PDZK1: variants seen among roughly 807,000 people sequenced by gnomAD.
PDZK1 encodes the protein PDZ domain containing 1, also known as Na(+)/H(+) exchange regulatory cofactor NHE-RF3.
A neutral mutation model predicts 38.1 loss-of-function variants in PDZK1; 23 were observed. The observed-to-expected ratio is 0.60, with a 90% confidence interval of 0.43 to 0.85. The LOEUF (loss-of-function observed/expected upper bound fraction) is 0.85. Ranked by LOEUF, PDZK1 falls within the 40% of genes least tolerant of loss-of-function variation. The pLI is 0.00. For synonymous variants in PDZK1, 98 were observed against 186.2 expected, an observed-to-expected ratio of 0.53 and a Z score of 3.86; for missense variants, 297 against 504.3, an observed-to-expected ratio of 0.59 and a Z score of 3.94.
chr1:145,702,984 A>G (rs587755972), intron 1 of PDZK1, among the ~76,000 whole-genome samples: 75 of 152,170 alleles, frequency 4.9e-4, no homozygotes, highest in African/African-American at 1.6e-3. Context: ...GCAAGCCCCA[A>G]TTGGTCTATG....
intron 1 of PDZK1, among the ~76,000 whole-genome samples, chr1:145,700,157 T>C (rs781861892): frequency 7.9e-5 from 12 of 152,240 alleles, no homozygotes; most frequent in Non-Finnish European, 1.3e-4. Context: ...ATTCTCTATC[T>C]ACTCAGTCCA....
intron 1 of PDZK1, among the ~76,000 whole-genome samples, 174 bp from the exon 2 acceptor site, chr1:145,688,197 A>C (rs1553702385): frequency 6.6e-6 from 1 of 151,790 alleles, no homozygotes; most frequent in African/African-American, 2.4e-5. Flanking sequence ...ATGATTTCCA[A>C]ATCTGTTTCC....
rs1320260097 is a variant in PDZK1 at position 145,681,125 on chromosome 1, G to C, written c.598-18C>G. Reference sequence around the variant, plus strand: ...TTCTTCACCTGTAACAACACACACAGATGAGGAATGACATCAACCCCCAAG... The same window carrying C: ...TTCTTCACCTGTAACAACACACACACATGAGGAATGACATCAACCCCCAAG... On this transcript the variant is annotated intron_variant, in intron 4 of 8. Coordinates refer to ENST00000417171, the MANE Select transcript of PDZK1 (RefSeq NM_001201325.2). 12 of 501,800 alleles carry C rather than the reference G, an allele frequency of 2.4e-5. No homozygotes were observed. The highest frequency in any genetic ancestry group is 3.8e-5 in the Non-Finnish European group (11 of 286,572). 31.1% of individuals were successfully genotyped at this position (501,800 alleles called of 1,614,324 possible).
At chr1:145,683,632 A>G (rs1553700869) in intron 3 of PDZK1, among the ~76,000 whole-genome samples, 1 of 152,164 alleles carries the variant, frequency 6.6e-6, no homozygotes, top group African/African-American at 2.4e-5. Context: ...ATACATTCCA[A>G]GACCCCCAGT....
At chr1:145,677,499 G>T (rs1486759517) in intron 6 of PDZK1, among the ~76,000 whole-genome samples, 2 of 149,318 alleles carry the variant, frequency 1.3e-5, no homozygotes, top group African/African-American at 5.0e-5. Context: ...TATTTTCTAG[G>T]TATGATTGTT....
At chr1:145,687,187 C>G (rs1417047605) in intron 2 of PDZK1, among the ~76,000 whole-genome samples, 2 of 151,846 alleles carry the variant, frequency 1.3e-5, no homozygotes, top group Admixed American at 6.6e-5. Flanking sequence ...GTAACATATA[C>G]CTTATGAGGT....
chr1:145,695,603 A>T (rs1339169563), intron 1 of PDZK1, among the ~76,000 whole-genome samples: 1 of 152,100 alleles, frequency 6.6e-6, no homozygotes, highest in Non-Finnish European at 1.5e-5. Context: ...AGCCCAAGGG[A>T]TCTGGCCTTA....
At chr1:145,705,356 G>T (rs770416111) in intron 1 of PDZK1, among the ~76,000 whole-genome samples, 70 of 152,302 alleles carry the variant, frequency 4.6e-4, no homozygotes, top group South Asian at 1.0e-3. Context: ...CTCCCAAAGT[G>T]CTGGGATTAC....
intron 6 of PDZK1, among the ~76,000 whole-genome samples, chr1:145,676,383 G>A (rs1410442820): frequency 2.6e-5 from 4 of 151,806 alleles, no homozygotes; most frequent in Non-Finnish European, 4.4e-5. Context: ...TGGTTCTTAA[G>A]CCAAAAGCTA....
chr1:145,700,049 G>T (rs980526652), intron 1 of PDZK1, among the ~76,000 whole-genome samples: 1 of 152,174 alleles, frequency 6.6e-6, no homozygotes, highest in Non-Finnish European at 1.5e-5. Flanking sequence ...CCCATTTTCT[G>T]TGAGAATATT....
chr1:145,686,880 C>A (rs1553701888), intron 2 of PDZK1, among the ~76,000 whole-genome samples, 154 bp from the exon 3 acceptor site: 1 of 152,096 alleles, frequency 6.6e-6, no homozygotes, highest in Non-Finnish European at 1.5e-5. Flanking sequence ...CCACCTCCAT[C>A]CCTGCCCTCC....
At chr1:145,680,476 C>T (rs587759527) in intron 5 of PDZK1, among the ~76,000 whole-genome samples, 37 of 152,060 alleles carry the variant, frequency 2.4e-4, no homozygotes, top group African/African-American at 8.2e-4. Context: ...ACCTCGGCCT[C>T]AGGTCCAGCG....
At chr1:145,689,984 G>A (rs1016128120) in intron 1 of PDZK1, among the ~76,000 whole-genome samples, 1 of 152,196 alleles carries the variant, frequency 6.6e-6, no homozygotes, top group Admixed American at 6.5e-5. Flanking sequence ...ACTAAGTAGC[G>A]AAGAAAGAAG....
chr1:145,697,485 G>A (rs1340192963), intron 1 of PDZK1, among the ~76,000 whole-genome samples: 12 of 152,170 alleles, frequency 7.9e-5, no homozygotes, highest in African/African-American at 2.7e-4. Flanking sequence ...GCCAAATAAT[G>A]CTAAGAGGTA....
At chr1:145,676,201 C>T (rs1415105963) in intron 6 of PDZK1, 9 of 983,454 alleles carry the variant, frequency 9.2e-6, no homozygotes, top group Admixed American at 1.2e-4. Context: ...GCTTCTTTTT[C>T]GATCAAAGTT....
At chr1:145,686,781 G>A (rs1156308969) in intron 2 of PDZK1, 55 bp from the exon 3 acceptor site, 1 of 871,966 alleles carries the variant, frequency 1.1e-6, no homozygotes, top group African/African-American at 1.7e-5. Context: ...ACTGCCAGAG[G>A]GAAATGCTGA....
chr1:145,694,913 A>C (rs1374832629), intron 1 of PDZK1, among the ~76,000 whole-genome samples: 1 of 150,666 alleles, frequency 6.6e-6, no homozygotes, highest in African/African-American at 2.4e-5. Context: ...AAAAAAAAAA[A>C]AAAAAAAGGA....
At chr1:145,690,153 T>C (rs1655120943) in intron 1 of PDZK1, among the ~76,000 whole-genome samples, 1 of 151,964 alleles carries the variant, frequency 6.6e-6, no homozygotes, top group East Asian at 1.9e-4. Flanking sequence ...AAGGAGAAAA[T>C]ATGGCATCAC....
chr1:145,679,438 A>G (rs1199820109), intron 5 of PDZK1, among the ~76,000 whole-genome samples: 1 of 152,058 alleles, frequency 6.6e-6, no homozygotes, highest in East Asian at 1.9e-4. Context: ...ATAATACCTT[A>G]CACATCCCAC....
Sources: allele counts gnomAD v4.1 joint callset (sites outside exome capture counted in the v4.1 genomes callset), GRCh38; gene constraint gnomAD v4.1.1; transcripts MANE v1.5; gene names NCBI Gene and HGNC (gene_info 2026-07-23, HGNC 2026-07-21).